GAB2: variants seen among roughly 807,000 people sequenced by gnomAD.
GAB2 encodes the protein GRB2-associated-binding protein 2.
In GAB2, 26 loss-of-function variants were observed where a neutral mutation model predicts 65.5. That is an observed-to-expected ratio of 0.40 (90% confidence interval 0.29 to 0.55). The LOEUF (loss-of-function observed/expected upper bound fraction) is 0.55, where lower values mean the gene tolerates loss of function less well. Ranked by LOEUF, GAB2 falls within the 20% of genes least tolerant of loss-of-function variation. The pLI, the probability that GAB2 is intolerant of heterozygous loss-of-function variation, is 0.53. For missense variants in GAB2, 884 were observed against 875.8 expected (o/e 1.01, Z -0.12); for synonymous variants, 321 against 329.6 (o/e 0.97, Z 0.28).
intron 1 of GAB2, among the ~76,000 whole-genome samples, chr11:78,285,421 T>C (rs1327466353): frequency 1.3e-5 from 2 of 152,228 alleles, no homozygotes; most frequent in African/African-American, 4.8e-5. Flanking sequence ...CTGTCTAGTC[T>C]AGTCCCAAAT....
At chr11:78,277,059 T>C (rs1377143981) in intron 2 of GAB2, among the ~76,000 whole-genome samples, 4 of 152,102 alleles carry the variant, frequency 2.6e-5, no homozygotes, top group African/African-American at 9.7e-5. Flanking sequence ...CCTTGTGATC[T>C]GCCCACCTCG....
At chr11:78,259,379 C>T (rs763238939) in intron 2 of GAB2, among the ~76,000 whole-genome samples, 32 of 151,988 alleles carry the variant, frequency 2.1e-4, no homozygotes, top group Admixed American at 6.6e-4. Context: ...GAGAGGATGA[C>T]GAAAGAATTT....
intron 1 of GAB2, among the ~76,000 whole-genome samples, chr11:78,292,979 C>A (rs891099267): frequency 3.3e-5 from 5 of 152,194 alleles, no homozygotes; most frequent in Non-Finnish European, 7.3e-5. Flanking sequence ...TGGGTCCAGA[C>A]CCACAAAGAA....
intron 1 of GAB2, among the ~76,000 whole-genome samples, chr11:78,350,673 T>C (rs899262856): frequency 6.6e-6 from 1 of 152,064 alleles, no homozygotes; most frequent in African/African-American, 2.4e-5. Context: ...AGGAACTAAA[T>C]GCTCTAAAAC....
Position 78,265,730 on chromosome 11 carries a change from A to G in GAB2, c.376+14871T>C, listed in dbSNP as rs140801863. Among the ~76,000 whole-genome samples the G allele has an allele frequency of 7.1e-3, 1,086 of 152,272 alleles. 9 individuals are homozygous for G. The highest frequency in any genetic ancestry group is 0.012 in the Non-Finnish European group (828 of 68,020). ...TGTACTTTATACCATGTTAAAGTAC[A>G]TGTTATATGTTTCAATATACAGAAT... On this transcript the variant is annotated intron_variant, in intron 2 of 9. Transcript: ENST00000361507.
intron 1 of GAB2, among the ~76,000 whole-genome samples, chr11:78,347,366 A>G (rs1046682592): frequency 6.6e-6 from 1 of 152,128 alleles, no homozygotes; most frequent in African/African-American, 2.4e-5. Context: ...GCGTTTTTAT[A>G]TGGGTCCAAA....
At chr11:78,288,804 G>A (rs186684004) in intron 1 of GAB2, among the ~76,000 whole-genome samples, 55 of 152,324 alleles carry the variant, frequency 3.6e-4, no homozygotes, top group African/African-American at 6.5e-4. Context: ...AAGAATGTCT[G>A]TAGATGTACG....
intron 1 of GAB2, among the ~76,000 whole-genome samples, chr11:78,384,633 G>A (rs1856742722): frequency 6.6e-6 from 1 of 152,202 alleles, no homozygotes; most frequent in Admixed American, 6.5e-5. Flanking sequence ...CAGCCCATGA[G>A]CTGGGAGAGG....
At chr11:78,357,716 AG>A (rs1395852499) in intron 1 of GAB2, among the ~76,000 whole-genome samples, 2 of 152,226 alleles carry the variant, frequency 1.3e-5, no homozygotes, top group African/African-American at 4.8e-5. Context: ...ATCACTGGCC[AG>A]ACAAATGCAA....
At chr11:78,391,418 A>G (rs1856832473) in intron 1 of GAB2, among the ~76,000 whole-genome samples, 1 of 152,182 alleles carries the variant, frequency 6.6e-6, no homozygotes, top group South Asian at 2.1e-4. Context: ...GACTCCTTCA[A>G]TCAATGAAGT....
intron 1 of GAB2, among the ~76,000 whole-genome samples, chr11:78,325,640 A>G (rs757688571): frequency 2.0e-5 from 3 of 152,196 alleles, no homozygotes; most frequent in African/African-American, 7.2e-5. Flanking sequence ...TAAGAACTCT[A>G]TCTGTGTTCT....
At chr11:78,231,614 C>T (rs1478784665) in intron 3 of GAB2, among the ~76,000 whole-genome samples, 2 of 152,196 alleles carry the variant, frequency 1.3e-5, no homozygotes, top group African/African-American at 4.8e-5. Context: ...TCCCAAAGTG[C>T]TGGGATTACA....
intron 3 of GAB2, among the ~76,000 whole-genome samples, chr11:78,247,443 T>A (rs1418327475): frequency 1.3e-5 from 2 of 152,214 alleles, no homozygotes; most frequent in East Asian, 3.8e-4. Context: ...AACATAATTA[T>A]TTTAAAGTCT....
chr11:78,246,361 G>T (rs1175359452), intron 3 of GAB2, among the ~76,000 whole-genome samples: 1 of 152,188 alleles, frequency 6.6e-6, no homozygotes, highest in Non-Finnish European at 1.5e-5. Flanking sequence ...GTTTGTACCT[G>T]TGACTTCCAT....
rs1245217059 is a variant in GAB2 at position 78,216,155 on chromosome 11, CCA to C, written c.*3115_*3116del. ...AGCGCAGCTAATCCAACCTCCCATT[CCA>C]CAGACAGGCAGATCAAGGACTTAAG... On this transcript the variant is annotated 3_prime_UTR_variant, in exon 10 of 10. Coordinates refer to ENST00000361507, the MANE Select transcript of GAB2 (RefSeq NM_080491.3). 2.0e-5 allele frequency: 3 copies of C among 152,642 alleles called. No individual in the cohort carries two copies. The highest frequency in any genetic ancestry group is 6.5e-5 in the Admixed American group (1 of 15,290). 9.5% of individuals were successfully genotyped at this position (152,642 alleles called of 1,614,324 possible).
At chr11:78,416,526 C>T (rs1161215167) in intron 1 of GAB2, among the ~76,000 whole-genome samples, 3 of 152,240 alleles carry the variant, frequency 2.0e-5, no homozygotes, top group Non-Finnish European at 2.9e-5. Flanking sequence ...CCTTGATGCA[C>T]TGCAGCTGGA....
intron 1 of GAB2, among the ~76,000 whole-genome samples, chr11:78,375,598 T>A (rs1459787463): frequency 6.6e-6 from 1 of 152,186 alleles, no homozygotes; most frequent in African/African-American, 2.4e-5. Flanking sequence ...AATGGATACA[T>A]CTTGAGATTT....
chr11:78,264,297 G>A (rs575328008), intron 2 of GAB2, among the ~76,000 whole-genome samples: 120 of 151,628 alleles, frequency 7.9e-4, no homozygotes, highest in African/African-American at 2.8e-3. Flanking sequence ...TCCCAGTAAT[G>A]TTTTGTTGTT....
chr11:78,356,071 G>A (rs1403370205), intron 1 of GAB2, among the ~76,000 whole-genome samples: 1 of 151,876 alleles, frequency 6.6e-6, no homozygotes, highest in Non-Finnish European at 1.5e-5. Context: ...TACTCAGGAG[G>A]CTGAAGCAGG....
Sources: allele counts gnomAD v4.1 joint callset (sites outside exome capture counted in the v4.1 genomes callset), GRCh38; gene constraint gnomAD v4.1.1; transcripts MANE v1.5; gene names NCBI Gene and HGNC (gene_info 2026-07-23, HGNC 2026-07-21).